Variants in ROBO2 observed in about 807,000 individuals in gnomAD.
The protein encoded by ROBO2 is roundabout guidance receptor 2.
In ROBO2, 53 loss-of-function variants were observed where a neutral mutation model predicts 160.8. That is an observed-to-expected ratio of 0.33 (90% confidence interval 0.26 to 0.41). The LOEUF is 0.41. ROBO2 is among the 10% of genes least tolerant of loss of function. The pLI, the probability that ROBO2 is intolerant of heterozygous loss-of-function variation, is 1.00. For missense variants in ROBO2, 1,577 were observed against 1,722.4 expected (o/e 0.92, Z 1.49); for synonymous variants, 664 against 611.7 (o/e 1.09, Z -1.26).
At chr3:76,134,337 A>T (rs934960512) in intron 2 of ROBO2, among the ~76,000 whole-genome samples, 4 of 152,062 alleles carry the variant, frequency 2.6e-5, no homozygotes, top group Admixed American at 2.0e-4. Context: ...ACACCCAGTG[A>T]TGACCCTCAG....
At chr3:76,081,472 CAAT>C (rs2108029399) in intron 2 of ROBO2, among the ~76,000 whole-genome samples, 1 of 152,132 alleles carries the variant, frequency 6.6e-6, no homozygotes, top group African/African-American at 2.4e-5. Context: ...AATCAATAAA[CAAT>C]AATAAAAATA....
chr3:77,533,396 T>C (rs1249463889), intron 6 of ROBO2, among the ~76,000 whole-genome samples: 1 of 152,170 alleles, frequency 6.6e-6, no homozygotes, highest in Non-Finnish European at 1.5e-5. Context: ...GCAGGCAGTC[T>C]CAACAGTGTT....
At chr3:76,116,387 A>G (rs1229084907) in intron 2 of ROBO2, among the ~76,000 whole-genome samples, 1 of 152,152 alleles carries the variant, frequency 6.6e-6, no homozygotes, top group Non-Finnish European at 1.5e-5. Flanking sequence ...AAATTAACAT[A>G]TGTAACTGTT....
At chr3:76,313,724 C>CT (rs966622849) in intron 2 of ROBO2, among the ~76,000 whole-genome samples, 1 of 152,126 alleles carries the variant, frequency 6.6e-6, no homozygotes, top group Non-Finnish European at 1.5e-5. Context: ...CAATAGCAAA[C>CT]AACAAAGTTT....
chr3:75,995,203 G>A (rs567326102), intron 2 of ROBO2, among the ~76,000 whole-genome samples: 1 of 152,322 alleles, frequency 6.6e-6, no homozygotes, highest in South Asian at 2.1e-4. Flanking sequence ...TCCAGGGTGT[G>A]TCAGAGGTCT....
intron 2 of ROBO2, among the ~76,000 whole-genome samples, chr3:76,863,497 T>C (rs759723265): frequency 6.6e-6 from 1 of 151,768 alleles, no homozygotes; most frequent in Non-Finnish European, 1.5e-5. Context: ...ACCAAATCAT[T>C]TGAGTTATCT....
rs374576500 is a variant in ROBO2, at chr3:76,485,296, G to A, written c.109+547694G>A. ...ATCAGGCACTAGATTCTCACAAGGA[G>A]CACGCAATCTAGGTCCCTGGAATGC... is the stretch of plus-strand genomic sequence containing the variant. On this transcript the variant is annotated intron_variant, in intron 2 of 26. Transcript: ENST00000487694. Among the ~76,000 whole-genome samples the A allele has an allele frequency of 1.4e-3, 218 of 152,082 alleles. 1 individual carries two copies. In the South Asian group the frequency reaches 0.025, roughly 18 times the overall value.
chr3:77,395,271 T>C (rs1345063391), intron 2 of ROBO2, among the ~76,000 whole-genome samples: 1 of 152,128 alleles, frequency 6.6e-6, no homozygotes, highest in Non-Finnish European at 1.5e-5. Flanking sequence ...CAGCTGTTAC[T>C]AGGATAACAA....
At chr3:77,306,880 A>G (rs2063141443) in intron 2 of ROBO2, among the ~76,000 whole-genome samples, 1 of 152,202 alleles carries the variant, frequency 6.6e-6, no homozygotes, top group African/African-American at 2.4e-5. Context: ...TCATGCTAAT[A>G]GTGTTTCGCT....
chr3:77,036,274 C>T (rs1375680501), upstream of ROBO2, among the ~76,000 whole-genome samples: 1 of 151,936 alleles, frequency 6.6e-6, no homozygotes, highest in East Asian at 1.9e-4. Flanking sequence ...GAAGAATTCC[C>T]TGACACGTGG....
chr3:76,463,876 A>G (rs917883183), intron 2 of ROBO2, among the ~76,000 whole-genome samples: 1 of 152,200 alleles, frequency 6.6e-6, no homozygotes, highest in Admixed American at 6.5e-5. Context: ...CAACCCCTCA[A>G]GTAAGGGCCT....
chr3:76,745,829 TTATTTATTTTA>T (rs2093878676), intron 2 of ROBO2, among the ~76,000 whole-genome samples: 2 of 149,634 alleles, frequency 1.3e-5, no homozygotes, highest in East Asian at 3.9e-4. Context: ...ATTTATTTAT[TTATTTATTTTA>T]TTATTATTAT....
intron 2 of ROBO2, among the ~76,000 whole-genome samples, chr3:75,998,892 A>T (rs2065803777): frequency 6.6e-6 from 1 of 152,214 alleles, no homozygotes; most frequent in South Asian, 2.1e-4. Context: ...TGACTTCTTC[A>T]TACTCAGACT....
At chr3:77,512,897 A>G (rs2089577367) in intron 5 of ROBO2, among the ~76,000 whole-genome samples, 2 of 151,964 alleles carry the variant, frequency 1.3e-5, no homozygotes, top group African/African-American at 4.8e-5. Context: ...TGGCCAACTT[A>G]ACGATTAATA....
intron 2 of ROBO2, among the ~76,000 whole-genome samples, chr3:76,388,919 C>G (rs1472005490): frequency 3.3e-5 from 5 of 152,002 alleles, no homozygotes; most frequent in African/African-American, 1.2e-4. Context: ...TCTTTTCAAT[C>G]TAAAACTTTA....
chr3:76,913,562 T>G (rs550895226), intron 2 of ROBO2, among the ~76,000 whole-genome samples: 8 of 152,238 alleles, frequency 5.3e-5, no homozygotes, highest in Non-Finnish European at 7.3e-5. Flanking sequence ...TTTTTTTGTA[T>G]TATAAATCGA....
At chr3:77,617,146 A>C (rs2094798070) in intron 21 of ROBO2, among the ~76,000 whole-genome samples, 1 of 152,220 alleles carries the variant, frequency 6.6e-6, no homozygotes. Context: ...CACAAGTATG[A>C]ACAGGAGAAG....
chr3:76,899,230 T>C (rs1015599790), intron 2 of ROBO2, among the ~76,000 whole-genome samples: 3 of 151,970 alleles, frequency 2.0e-5, no homozygotes, highest in Non-Finnish European at 4.4e-5. Context: ...CTGTTCACAA[T>C]TTTTTTTCAA....
intron 2 of ROBO2, among the ~76,000 whole-genome samples, chr3:76,993,785 A>C (rs72902059): frequency 1.1e-3 from 162 of 152,212 alleles, no homozygotes; most frequent in African/African-American, 3.6e-3. Context: ...CAGTCTTAGG[A>C]TATTTATCTC....
Sources: gnomAD v4.1 joint callset for allele counts (sites outside exome capture counted in the v4.1 genomes callset) on GRCh38, gnomAD v4.1.1 for gene constraint, MANE v1.5 for transcripts, NCBI Gene and HGNC (gene_info 2026-07-23, HGNC 2026-07-21) for gene names.